Variants in CCDC148 observed in about 807,000 individuals in gnomAD.
CCDC148 encodes coiled-coil domain containing 148.
Under a neutral mutation model 85.7 loss-of-function variants are expected in CCDC148, and 89 were observed. That is an observed-to-expected ratio of 1.04 (90% CI 0.87 to 1.24). The LOEUF (loss-of-function observed/expected upper bound fraction) is 1.24. CCDC148 is among the 50% of genes most tolerant of loss of function. CCDC148 has a pLI of 0.00. For missense variants in CCDC148, 692 were observed against 671.7 expected, an observed-to-expected ratio of 1.03 and a Z score of -0.33; for synonymous variants, 230 against 213.9, an observed-to-expected ratio of 1.08 and a Z score of -0.66.
chr2:158,270,904 T>C (rs1002346398), intron 9 of CCDC148, among the ~76,000 whole-genome samples: 1 of 152,196 alleles, frequency 6.6e-6, no homozygotes, highest in Non-Finnish European at 1.5e-5. Context: ...TATCAGAGGA[T>C]AGTTCCTGAA....
intron 8 of CCDC148, among the ~76,000 whole-genome samples, chr2:158,309,918 T>G (rs1691894272): frequency 6.6e-6 from 1 of 152,204 alleles, no homozygotes; most frequent in Non-Finnish European, 1.5e-5. Context: ...TAAAACCACT[T>G]TATTTTTTAA....
At chr2:158,310,697 G>A (rs1188183625) in intron 8 of CCDC148, among the ~76,000 whole-genome samples, 15 of 150,966 alleles carry the variant, frequency 9.9e-5, no homozygotes, top group Admixed American at 3.3e-4. Context: ...TGGCGGCCGG[G>A]CAGAGACACT....
At chr2:158,353,285 T>C (rs1401632923) in intron 2 of CCDC148, among the ~76,000 whole-genome samples, 4 of 137,676 alleles carry the variant, frequency 2.9e-5, no homozygotes, top group Non-Finnish European at 6.3e-5. Context: ...GACTGGCAAA[T>C]TGGATAAAGA....
intron 1 of CCDC148, among the ~76,000 whole-genome samples, chr2:158,424,434 G>A (rs1287570626): frequency 2.0e-5 from 3 of 152,090 alleles, no homozygotes; most frequent in Non-Finnish European, 4.4e-5. Flanking sequence ...GGATGAAGCT[G>A]GAAACCATCA....
rs535962118 is a variant in CCDC148 at position 158,171,811 on chromosome 2, C to T, written c.*302G>A. 5.7e-6 allele frequency: 1 copy of T among 175,118 alleles called. No individual in the cohort carries two copies. Among genetic ancestry groups the T allele is most frequent in the Non-Finnish European group, 1.2e-5 (1 of 84,164 alleles). 10.8% of individuals were successfully genotyped at this position (175,118 alleles called of 1,614,324 possible). A position where few individuals can be genotyped will look rare whatever the true frequency, so the allele number is the denominator to read the frequency against. On this transcript the variant is annotated 3_prime_UTR_variant, in exon 14 of 14. Coordinates refer to ENST00000283233, the MANE Select transcript of CCDC148 (RefSeq NM_138803.4). ...AATTCTCACAAAGTTATTTTGAGCTCTTTTTATAGGATAACATAACCTCCA... is the reference window on the plus strand; with the variant it reads ...AATTCTCACAAAGTTATTTTGAGCTTTTTTTATAGGATAACATAACCTCCA...
chr2:158,180,936 C>T (rs1684869310), intron 11 of CCDC148, among the ~76,000 whole-genome samples: 1 of 152,012 alleles, frequency 6.6e-6, no homozygotes, highest in African/African-American at 2.4e-5. Flanking sequence ...ATTAAAGAGC[C>T]CACAAACCAG....
chr2:158,282,338 G>A (rs1342720777), intron 9 of CCDC148, among the ~76,000 whole-genome samples: 1 of 152,180 alleles, frequency 6.6e-6, no homozygotes. Context: ...AAGTCAAATT[G>A]TCCTTGTTTG....
intron 1 of CCDC148, among the ~76,000 whole-genome samples, chr2:158,430,367 A>T (rs566321092): frequency 1.3e-5 from 2 of 152,292 alleles, no homozygotes; most frequent in African/African-American, 2.4e-5. Flanking sequence ...TAATTTTTTT[A>T]AAAAAGACAG....
intron 11 of CCDC148, among the ~76,000 whole-genome samples, chr2:158,188,791 G>T (rs988440259): frequency 6.6e-6 from 1 of 151,978 alleles, no homozygotes. Flanking sequence ...ACTCTCAACA[G>T]ATTGAACAGA....
chr2:158,355,298 T>C (rs9677120), intron 2 of CCDC148, among the ~76,000 whole-genome samples: 26,948 of 151,902 alleles, frequency 0.18, 3,929 homozygotes, highest in African/African-American at 0.4. Context: ...TGTCCCTGTT[T>C]GCAGACGACA....
intron 7 of CCDC148, among the ~76,000 whole-genome samples, chr2:158,329,536 A>T (rs1448334795): frequency 6.6e-6 from 1 of 151,836 alleles, no homozygotes. Context: ...GTTTTTTCCA[A>T]TTCTGTGAAG....
intron 10 of CCDC148, among the ~76,000 whole-genome samples, chr2:158,231,919 G>T (rs1687874517): frequency 6.6e-6 from 1 of 152,148 alleles, no homozygotes; most frequent in Admixed American, 6.6e-5. Context: ...TATGTATCAA[G>T]AATTATTAGC....
intron 9 of CCDC148, among the ~76,000 whole-genome samples, chr2:158,257,675 T>A (rs1470118966): frequency 6.6e-6 from 1 of 151,880 alleles, no homozygotes; most frequent in Non-Finnish European, 1.5e-5. Context: ...TAACTGCTTT[T>A]CATTTTCTGT....
rs1684733203 is a variant in CCDC148, at chr2:158,178,948, C to T, written c.1419G>A (p.Lys473=). ...CATGAGCTTCTTGAAGGGCCACTTC[C>T]TTTTTCTCCATCAAACGCCTTTCCA... The part of the protein sequence containing the change: ...ELLERRLMEK[K]EVALQEAHED... Residue 473 remains lysine, a synonymous_variant, in exon 12 of 14, where the codon AAG becomes AAA. Coordinates refer to ENST00000283233, the MANE Select transcript of CCDC148 (RefSeq NM_138803.4). 1 of 1,613,576 alleles carries T rather than the reference C, an allele frequency of 6.2e-7. No individual in the cohort carries two copies. The highest frequency in any genetic ancestry group is 2.2e-5 in the East Asian group (1 of 44,796).
chr2:158,227,462 A>C (rs890896263), intron 10 of CCDC148, among the ~76,000 whole-genome samples: 9 of 152,288 alleles, frequency 5.9e-5, no homozygotes, highest in African/African-American at 2.2e-4. Context: ...ACTACTTTGA[A>C]GTTCATATGG....
intron 9 of CCDC148, among the ~76,000 whole-genome samples, chr2:158,302,205 G>A (rs370325443): frequency 5.9e-5 from 9 of 152,138 alleles, no homozygotes; most frequent in African/African-American, 2.2e-4. Context: ...AAGGCATAGG[G>A]TGGGGAGGAA....
At chr2:158,447,875 C>A (rs1053633454) in intron 1 of CCDC148, among the ~76,000 whole-genome samples, 2 of 152,012 alleles carry the variant, frequency 1.3e-5, no homozygotes, top group African/African-American at 4.8e-5. Flanking sequence ...TTTTGGAGGG[C>A]AAAACTTTTC....
At chr2:158,292,813 C>T (rs927725888) in intron 9 of CCDC148, among the ~76,000 whole-genome samples, 13 of 152,168 alleles carry the variant, frequency 8.5e-5, no homozygotes, top group African/African-American at 3.1e-4. Flanking sequence ...TTTTTAAAAA[C>T]ACCATGAAGA....
chr2:158,437,415 C>A (rs577155748), intron 1 of CCDC148, among the ~76,000 whole-genome samples: 26 of 152,242 alleles, frequency 1.7e-4, no homozygotes, highest in African/African-American at 6.3e-4. Context: ...AGGCCTTTGA[C>A]AAAATTCAAC....
Sources: gnomAD v4.1 joint callset for allele counts (sites outside exome capture counted in the v4.1 genomes callset) on GRCh38, gnomAD v4.1.1 for gene constraint, MANE v1.5 for transcripts, NCBI Gene and HGNC (gene_info 2026-07-23, HGNC 2026-07-21) for gene names.